ISM2: variants seen among roughly 807,000 people sequenced by gnomAD.
ISM2 encodes the protein isthmin 2.
In ISM2, 50 loss-of-function variants were observed where a neutral mutation model predicts 58.0. That is an observed-to-expected ratio of 0.86 (90% CI 0.69 to 1.09). ISM2 has a LOEUF of 1.09. ISM2 is among the 50% of genes least tolerant of loss of function. The pLI, the probability that ISM2 is intolerant of heterozygous loss-of-function variation, is 0.00. For missense variants in ISM2, 723 were observed against 745.0 expected (o/e 0.97, Z 0.34); for synonymous variants, 303 against 312.4 (o/e 0.97, Z 0.32).
intron 1 of ISM2, among the ~76,000 whole-genome samples, chr14:77,489,499 T>C (rs2079187993): frequency 6.6e-6 from 1 of 152,202 alleles, no homozygotes; most frequent in Non-Finnish European, 1.5e-5. Context: ...GGCAGAGGAA[T>C]AGGGCTGGAT....
chr14:77,478,317 C>G lies in ISM2; in HGVS notation c.1123G>C (p.Asp375His). The G allele has an allele frequency of 6.2e-7, 1 of 1,614,020 alleles. No individual in the cohort carries two copies. The highest frequency in any genetic ancestry group is 2.2e-5 in the East Asian group (1 of 44,882). ...CDLPSCPGTE[D>H]KDTLGLPSEE... is the part of the protein sequence containing the mutation. Reference sequence around the variant, plus strand: ...CTGGGGAGGCCCAAGGTGTCCTTGTCCTCAGTGCCTTTGGGAGGAAAGGAG... The same window carrying G: ...CTGGGGAGGCCCAAGGTGTCCTTGTGCTCAGTGCCTTTGGGAGGAAAGGAG... The change falls in exon 6 of 7, where the codon GAC becomes CAC. Residue 375 changes from aspartate to histidine, a missense_variant. Asp to His is a moderately conservative substitution (Grantham distance 81, BLOSUM62 -1). Coordinates refer to ENST00000342219, the MANE Select transcript of ISM2 (RefSeq NM_199296.3).
intron 1 of ISM2, among the ~76,000 whole-genome samples, chr14:77,495,620 G>A (rs2079234611): frequency 6.6e-6 from 1 of 152,152 alleles, no homozygotes; most frequent in Non-Finnish European, 1.5e-5. Context: ...GTGTCCCACA[G>A]GAAGCATGTG....
Position 77,475,861 on chromosome 14 carries a change from T to A in ISM2, c.1450A>T (p.Ser484Cys), listed in dbSNP as rs1024745592. ...CAGTGCTGGGCGGCCAGTGTGCTGC[T>A]CTCCCCAGACAGCATGGAACGCAGG... is the stretch of plus-strand genomic sequence containing the variant. ...FCLRSMLSGE[S>C]STLAAQHCCY... Residue 484 changes from serine to cysteine, a missense_variant, in exon 7 of 7, where the codon AGC becomes TGC. By Grantham distance (112) the Ser-to-Cys change is moderately radical (BLOSUM62 -1). Transcript: ENST00000342219. The surrounding 1 kb of genome is among the most constrained non-coding windows in gnomAD (Gnocchi z 4.1). 1 of 1,609,038 alleles carries A rather than the reference T, an allele frequency of 6.2e-7. No individual in the cohort carries two copies. The highest frequency in any genetic ancestry group is 8.5e-7 in the Non-Finnish European group (1 of 1,179,866).
chr14:77,476,187 G>T lies in ISM2; in HGVS notation c.1199-75C>A. Reference sequence around the variant, plus strand: ...CCGTGTGGGGCGGGGACTGATTAAGGGCCAGTGCATGGGGAGAGAAGGCCC... The same window carrying T: ...CCGTGTGGGGCGGGGACTGATTAAGTGCCAGTGCATGGGGAGAGAAGGCCC... On this transcript the variant is annotated intron_variant, in intron 6 of 6. Coordinates refer to ENST00000342219, the MANE Select transcript of ISM2 (RefSeq NM_199296.3). 6.8e-6 allele frequency: 10 copies of T among 1,460,470 alleles called. No individual in the cohort carries two copies. In the South Asian group the frequency reaches 1.4e-4, roughly 20 times the overall value. 90.5% of individuals were successfully genotyped at this position (1,460,470 alleles called of 1,614,324 possible).
intron 1 of ISM2, among the ~76,000 whole-genome samples, chr14:77,487,137 C>T (rs2079172714): frequency 2.0e-5 from 3 of 151,570 alleles, no homozygotes; most frequent in South Asian, 2.1e-4. Flanking sequence ...CCCAGCTACT[C>T]GGGAGGCTGA....
chr14:77,492,012 TTAAA>T (rs1419528202), intron 1 of ISM2, among the ~76,000 whole-genome samples: 2 of 151,618 alleles, frequency 1.3e-5, no homozygotes, highest in East Asian at 3.9e-4. Flanking sequence ...TTTTTTTTTT[TTAAA>T]TAAAGACAGA....
chr14:77,477,998 C>A (rs534017698), intron 6 of ISM2, among the ~76,000 whole-genome samples: 5 of 152,296 alleles, frequency 3.3e-5, no homozygotes, highest in African/African-American at 9.6e-5. Context: ...ATGCCCCCAC[C>A]AGATGATCTC....
At chr14:77,498,540 G>T (rs921166058) in intron 1 of ISM2, 113 bp downstream of exon 1, 8 of 1,365,782 alleles carry the variant, frequency 5.9e-6, no homozygotes, top group South Asian at 1.4e-5. Flanking sequence ...TCTCTCCATC[G>T]GGGGGTCGCT....
chr14:77,475,800 C>CCA lies in ISM2; in HGVS notation c.1509_1510dup (p.Gly504ValfsTer60), dbSNP rs751960838. On this transcript the variant is annotated frameshift_variant, in exon 7 of 7. Transcript: ENST00000342219. LOFTEE classifies it high-confidence loss of function. This position sits in a 1 kb window ranked among gnomAD's most constrained non-coding sequence, Gnocchi z 4.1. Reference sequence around the variant, plus strand: ...GAGGTTGGGCATGCCGGCGCCCTTGCCACGGGTCAGCAGCCGGCTGTCCTC... The same window carrying CCA: ...GAGGTTGGGCATGCCGGCGCCCTTGCCACACGGGTCAGCAGCCGGCTGTCCTC... 4.6e-5 allele frequency: 74 copies of CCA among 1,613,100 alleles called. No individual in the cohort carries two copies. Among genetic ancestry groups the CCA allele is most frequent in the Non-Finnish European group, 4.9e-5 (58 of 1,179,782 alleles).
At chr14:77,498,396 A>G (rs1015237700) in intron 1 of ISM2, 5 of 1,289,014 alleles carry the variant, frequency 3.9e-6, no homozygotes, top group Non-Finnish European at 5.2e-6. Context: ...CTCACTCCGC[A>G]CAGAAGTCAA....
intron 4 of ISM2, among the ~76,000 whole-genome samples, chr14:77,481,081 T>G (rs1289941714): frequency 6.6e-6 from 1 of 151,964 alleles, no homozygotes. Context: ...GGCTCATGCC[T>G]GTAATTCCAG....
chr14:77,478,706 G>A lies in ISM2; in HGVS notation c.983C>T (p.Pro328Leu), dbSNP rs866561453. 5.6e-6 allele frequency: 9 copies of A among 1,612,440 alleles called. No homozygotes were observed. Among genetic ancestry groups the A allele is most frequent in the African/African-American group, 5.3e-5 (4 of 74,996 alleles). ...FKDSVSYDYE[P>L]QKEWSPWSPC... ...AGACCAGGGACTCCACTCCTTCTGA[G>A]GCTCATAGTCTGGGTTAAGACAGGG... The change falls in exon 5 of 7, where the codon CCT (proline) becomes CTT (leucine). Residue 328 changes from proline (P) to leucine (L), a missense_variant. By Grantham distance (98) the Pro-to-Leu change is moderately conservative. Transcript: ENST00000342219.
intron 1 of ISM2, among the ~76,000 whole-genome samples, chr14:77,489,284 C>G (rs1438135476): frequency 6.6e-6 from 1 of 152,194 alleles, no homozygotes; most frequent in Non-Finnish European, 1.5e-5. Context: ...AGCCCTAGCT[C>G]CTGAAGCCCA....
chr14:77,484,623 AG>A (rs2079155485), intron 2 of ISM2, 53 bp downstream of exon 2: 6 of 1,602,100 alleles, frequency 3.7e-6, no homozygotes, highest in Non-Finnish European at 5.1e-6. Context: ...ACAGGGACCC[AG>A]AAAAGGCTGG....
intron 1 of ISM2, among the ~76,000 whole-genome samples, chr14:77,490,788 T>A (rs1265167407): frequency 6.6e-6 from 1 of 152,242 alleles, no homozygotes; most frequent in East Asian, 1.9e-4. Flanking sequence ...GCCTGAGGCC[T>A]CTGGGCAGCC....
At chr14:77,478,798 T>C in intron 4 of ISM2, 83 bp from the exon 5 acceptor site, 1 of 1,432,238 alleles carries the variant, frequency 7.0e-7, no homozygotes, top group Non-Finnish European at 9.7e-7. Context: ...CACCCTTTCC[T>C]CAGGTGGATG....
Position 77,482,505 on chromosome 14 carries a change from C to T in ISM2, c.790G>A (p.Glu264Lys). Reference sequence around the variant, plus strand: ...TCTTCCTCCTTTTCCTCCCCCTTCTCCCCTGGGGCCCTGTCTTTTTCCTCT... The same window carrying T: ...TCTTCCTCCTTTTCCTCCCCCTTCTTCCCTGGGGCCCTGTCTTTTTCCTCT... ...KGEEKDRAPGEKGEEKEEDED... is the reference protein window; with the variant it reads ...KGEEKDRAPGKKGEEKEEDED... Residue 264 changes from glutamate (E) to lysine (K), a missense_variant, in exon 4 of 7, where the codon GAG becomes AAG. Physicochemically the swap from Glu to Lys is moderately conservative, Grantham distance 56. Transcript: ENST00000342219. 3.7e-6 allele frequency: 6 copies of T among 1,614,196 alleles called. No homozygotes were observed. The highest frequency in any genetic ancestry group is 5.1e-6 in the Non-Finnish European group (6 of 1,180,028).
Position 77,498,755 on chromosome 14 carries a change from G to C in ISM2, c.39C>G (p.Cys13Trp). ...ALRDRAGLLLCVLLLAALLEA... is the reference protein window; with the variant it reads ...ALRDRAGLLLWVLLLAALLEA... The stretch of plus-strand genomic sequence containing the variant: ...CCAGCAGCGCCGCCAGCAGCAGCAC[G>C]CAGAGGAGGAGCCCGGCTCGGTCGC... The change falls in exon 1 of 7, where the codon TGC becomes TGG. Residue 13 changes from cysteine to tryptophan, a missense_variant. By Grantham distance (215) the Cys-to-Trp change is radical. Coordinates refer to ENST00000342219, the MANE Select transcript of ISM2 (RefSeq NM_199296.3). 1 of 1,479,242 alleles carries C rather than the reference G, an allele frequency of 6.8e-7. No homozygotes were observed. The highest frequency in any genetic ancestry group is 8.9e-7 in the Non-Finnish European group (1 of 1,123,650). The allele number at this position is 1,479,242 out of a possible 1,614,324, so 91.6% of individuals were successfully genotyped here.
intron 1 of ISM2, 104 bp downstream of exon 1, chr14:77,498,549 C>A: frequency 7.2e-7 from 1 of 1,393,004 alleles, no homozygotes. Flanking sequence ...CGGGGGGTCG[C>A]TGCCTGTGTG....
Sources: gnomAD v4.1 joint callset for allele counts (sites outside exome capture counted in the v4.1 genomes callset) on GRCh38, gnomAD v4.1.1 for gene constraint, Gnocchi (gnomAD v3.1) non-coding constraint, MANE v1.5 for transcripts, NCBI Gene and HGNC (gene_info 2026-07-23, HGNC 2026-07-21) for gene names.